The following C14orf132 variants were observed in gnomAD, a reference collection of about 807,000 sequenced individuals.
The protein encoded by C14orf132 is uncharacterized protein C14orf132.
C14orf132 carries 6 observed loss-of-function variants against 5.8 expected under a neutral mutation model. That is an observed-to-expected ratio of 1.03 (90% confidence interval 0.57 to 2.04). The LOEUF is 2.04. Ranked by LOEUF, C14orf132 falls within the 30% of genes most tolerant of loss-of-function variation. The probability of loss-of-function intolerance (pLI) is 0.00; values close to 1 mark genes in which losing one functional copy is unlikely to be tolerated. For synonymous variants in C14orf132, 51 were observed against 49.8 expected (o/e 1.02, Z -0.10); for missense variants, 125 against 115.8 (o/e 1.08, Z -0.37).
At chr14:96,082,630 C>A (rs961661930) in intron 1 of C14orf132, among the ~76,000 whole-genome samples, 2 of 152,176 alleles carry the variant, frequency 1.3e-5, no homozygotes, top group African/African-American at 2.4e-5. Context: ...GCACGGGTGG[C>A]CATCTGCTGA....
intron 1 of C14orf132, among the ~76,000 whole-genome samples, chr14:96,078,793 C>T (rs923042769): frequency 6.6e-6 from 1 of 152,204 alleles, no homozygotes; most frequent in African/African-American, 2.4e-5. Context: ...CAGTCCTGCC[C>T]GCCCCAGCTC....
In C14orf132 at chr14:96,086,570, C is replaced by T. The variant is rs1238823298; in HGVS notation, c.87C>T (p.Tyr29=). The T allele has an allele frequency of 2.0e-6, 3 of 1,536,040 alleles. No homozygotes were observed. The highest frequency in any genetic ancestry group is 2.7e-5 in the African/African-American group (2 of 73,040). The change falls in exon 2 of 2, where the codon TAC becomes TAT. Residue 29 remains tyrosine, a synonymous_variant. Coordinates refer to ENST00000555004, the MANE Select transcript of C14orf132 (RefSeq NM_001252507.3). The stretch of plus-strand genomic sequence containing the variant: ...CCAACGAGGACTTCAGCACCGAGTA[C>T]TCCCTGTTTAACTCCTCTGCCAATG... The part of the protein sequence containing the change: ...DSPNEDFSTE[Y]SLFNSSANVH...
At chr14:96,078,519 G>A (rs10220402) in intron 1 of C14orf132, among the ~76,000 whole-genome samples, 33,439 of 152,078 alleles carry the variant, frequency 0.22, 4,026 homozygotes, top group Non-Finnish European at 0.27. Context: ...CAGGGGCCTC[G>A]GCCATTGCTT....
intron 1 of C14orf132, chr14:96,040,239 T>A (rs937737163): frequency 7.7e-6 from 3 of 390,040 alleles, no homozygotes; most frequent in Non-Finnish European, 1.4e-5. Flanking sequence ...GCTTGGGTGA[T>A]GATTCTATTT....
At chr14:96,046,994 AAT>A (rs1173046552) in intron 1 of C14orf132, among the ~76,000 whole-genome samples, 1 of 152,212 alleles carries the variant, frequency 6.6e-6, no homozygotes, top group East Asian at 1.9e-4. Flanking sequence ...TGCCCAGAAA[AAT>A]AGAATTCTAG....
chr14:96,049,747 A>T (rs1886976561), intron 1 of C14orf132, among the ~76,000 whole-genome samples: 1 of 144,196 alleles, frequency 6.9e-6, no homozygotes, highest in African/African-American at 2.6e-5. Context: ...CTTAGAGCTC[A>T]CTGATAGTCT....
chr14:96,075,519 C>A (rs1442207911), intron 1 of C14orf132, among the ~76,000 whole-genome samples: 1 of 152,142 alleles, frequency 6.6e-6, no homozygotes, highest in Admixed American at 6.5e-5. Flanking sequence ...AGCATTCACT[C>A]TTTCACCATT....
rs12888471 is a variant in C14orf132, at chr14:96,087,215, C to T, written c.*480C>T. On this transcript the variant is annotated 3_prime_UTR_variant, in exon 2 of 2. Coordinates refer to ENST00000555004, the MANE Select transcript of C14orf132 (RefSeq NM_001252507.3). ...CTGGTTTCACATTCAGTCCCTTGGC[C>T]ATCTAGTAGGGCCATTGGATGTTCC... 0.04 allele frequency: 6,581 copies of T among 163,300 alleles called. 194 individuals carry two copies. The highest frequency in any genetic ancestry group is 0.061 in the Non-Finnish European group (4,565 of 75,056). The allele number at this position is 163,300 out of a possible 1,614,324, so 10.1% of individuals were successfully genotyped here. A position where few individuals can be genotyped will look rare whatever the true frequency, so the allele number is the denominator to read the frequency against.
At chr14:96,081,844 C>G (rs1888039779) in intron 1 of C14orf132, among the ~76,000 whole-genome samples, 1 of 152,180 alleles carries the variant, frequency 6.6e-6, no homozygotes, top group African/African-American at 2.4e-5. Flanking sequence ...AAGCAATCCT[C>G]CCATCTTGGC....
chr14:96,063,089 G>T (rs140384699), intron 1 of C14orf132, among the ~76,000 whole-genome samples: 1 of 152,202 alleles, frequency 6.6e-6, no homozygotes, highest in Non-Finnish European at 1.5e-5. Flanking sequence ...GGTGGATGAG[G>T]CAGGGATCGT....
rs79497698 is a variant in C14orf132 at position 96,080,023 on chromosome 14, G to A, written c.28-6488G>A. On this transcript the variant is annotated intron_variant, in intron 1 of 1. Transcript: ENST00000555004. Reference sequence around the variant, plus strand: ...GTGGGATATACTTATGCTAAAAATTGTGTTGTTTATTTGAAATTCGAATTT... The same window carrying A: ...GTGGGATATACTTATGCTAAAAATTATGTTGTTTATTTGAAATTCGAATTT... Among the ~76,000 whole-genome samples the A allele has an allele frequency of 2.8e-4, 42 of 152,348 alleles. 1 individual carries two copies. In the East Asian group the frequency reaches 7.9e-3, roughly 29 times the overall value.
At position 96,091,066 on chromosome 14, in the gene C14orf132, A is replaced by G. The variant is rs1023448589; in HGVS notation, c.*4331A>G. On this transcript the variant is annotated 3_prime_UTR_variant, in exon 2 of 2. Transcript: ENST00000555004. Reference sequence around the variant, plus strand: ...TGAGGATGCAGAGAGATGCACGTTAATTACTGTCGCATTTTTCTGTGGAGA... The same window carrying G: ...TGAGGATGCAGAGAGATGCACGTTAGTTACTGTCGCATTTTTCTGTGGAGA... The G allele has an allele frequency of 4.4e-6, 2 of 453,520 alleles. No individual in the cohort carries two copies. Among genetic ancestry groups the G allele is most frequent in the Non-Finnish European group, 8.9e-6 (2 of 225,382 alleles). The allele number at this position is 453,520 out of a possible 1,614,324, so 28.1% of individuals were successfully genotyped here. A position where few individuals can be genotyped will look rare whatever the true frequency, so the allele number is the denominator to read the frequency against.
chr14:96,071,207 G>A (rs1887698062), intron 1 of C14orf132, among the ~76,000 whole-genome samples: 2 of 152,154 alleles, frequency 1.3e-5, no homozygotes, highest in South Asian at 4.1e-4. Flanking sequence ...GACGTGCTGA[G>A]CAAAAGAGGG....
chr14:96,089,867 A>G lies in C14orf132; in HGVS notation c.*3132A>G, dbSNP rs1333817986. On this transcript the variant is annotated 3_prime_UTR_variant, in exon 2 of 2. Coordinates refer to ENST00000555004, the MANE Select transcript of C14orf132 (RefSeq NM_001252507.3). ...AGGCTCACTACAGCCAGAAGTGCAG[A>G]GTCAGAGTCCTGGGACCATCTTGTT... 1 of 152,276 alleles carries G rather than the reference A, an allele frequency of 6.6e-6. No homozygotes were observed. Among genetic ancestry groups the G allele is most frequent in the African/African-American group, 2.4e-5 (1 of 41,430 alleles). 9.4% of individuals were successfully genotyped at this position (152,276 alleles called of 1,614,324 possible). A position where few individuals can be genotyped will look rare whatever the true frequency, so the allele number is the denominator to read the frequency against.
At chr14:96,064,397 T>TAC (rs1566829202) in intron 1 of C14orf132, among the ~76,000 whole-genome samples, 1 of 104,784 alleles carries the variant, frequency 9.5e-6, no homozygotes, top group African/African-American at 3.8e-5. Context: ...CACACACATA[T>TAC]ACATATATGT....
intron 1 of C14orf132, among the ~76,000 whole-genome samples, chr14:96,062,786 A>G (rs549352937): frequency 6.6e-6 from 1 of 152,302 alleles, no homozygotes; most frequent in Admixed American, 6.5e-5. Flanking sequence ...CTGGGCTGCC[A>G]GGTACATTCT....
intron 1 of C14orf132, among the ~76,000 whole-genome samples, chr14:96,078,859 A>T (rs1887952953): frequency 6.6e-6 from 1 of 152,208 alleles, no homozygotes; most frequent in African/African-American, 2.4e-5. Flanking sequence ...GCTGATTTGT[A>T]AGAGTCCACA....
Position 96,093,448 on chromosome 14 carries a change from T to C in C14orf132, c.*6713T>C, listed in dbSNP as rs1015853302. 4 of 152,256 alleles carry C rather than the reference T, an allele frequency of 2.6e-5. No individual in the cohort carries two copies. The highest frequency in any genetic ancestry group is 9.6e-5 in the African/African-American group (4 of 41,470). The allele number at this position is 152,256 out of a possible 1,614,324, so 9.4% of individuals were successfully genotyped here. A position where few individuals can be genotyped will look rare whatever the true frequency, so the allele number is the denominator to read the frequency against. ...TGCATCTTCTCTTATTTCTGACCTT[T>C]TTCCACGTGCCCAGTCCTATTTCTG... is the stretch of plus-strand genomic sequence containing the variant. On this transcript the variant is annotated 3_prime_UTR_variant, in exon 2 of 2. Coordinates refer to ENST00000555004, the MANE Select transcript of C14orf132 (RefSeq NM_001252507.3).
intron 1 of C14orf132, among the ~76,000 whole-genome samples, chr14:96,063,649 A>G (rs1427505399): frequency 6.6e-6 from 1 of 152,130 alleles, no homozygotes; most frequent in Non-Finnish European, 1.5e-5. Context: ...TTACGTCCCT[A>G]CATTGGCTTA....
Sources: gnomAD v4.1 joint callset for allele counts (sites outside exome capture counted in the v4.1 genomes callset) on GRCh38, gnomAD v4.1.1 for gene constraint, MANE v1.5 for transcripts, NCBI Gene and HGNC (gene_info 2026-07-23, HGNC 2026-07-21) for gene names.